The following FRAS1 variants were observed in gnomAD, a reference collection of about 807,000 sequenced individuals.
The protein encoded by FRAS1 is Fraser extracellular matrix complex subunit 1, also known as extracellular matrix organizing protein FRAS1.
A neutral mutation model predicts 435.2 loss-of-function variants in FRAS1; 290 were observed. The observed-to-expected ratio is 0.67, with a 90% CI of 0.61 to 0.73. The LOEUF is 0.73. Among genes scored for constraint, FRAS1 ranks in the 30% least tolerant of loss-of-function variants. The pLI, the probability that FRAS1 is intolerant of heterozygous loss-of-function variation, is 0.00. For missense variants in FRAS1, 4,860 were observed against 5,001.5 expected (o/e 0.97, Z 0.85); for synonymous variants, 1,800 against 1,851.0 (o/e 0.97, Z 0.71).
chr4:78,133,472 C>A (rs1719774729), intron 2 of FRAS1, among the ~76,000 whole-genome samples: 1 of 151,366 alleles, frequency 6.6e-6, no homozygotes, highest in Non-Finnish European at 1.5e-5. Flanking sequence ...AATAGAGTCA[C>A]TATGGTTTAT....
In FRAS1 at chr4:78,469,921, C is replaced by A; in HGVS notation, c.7258-57C>A. 5 of 1,278,366 alleles carry A rather than the reference C, an allele frequency of 3.9e-6. 1 individual carries two copies. Among genetic ancestry groups the A allele is most frequent in the East Asian group, 2.4e-5 (1 of 41,344 alleles). 79.2% of individuals were successfully genotyped at this position (1,278,366 alleles called of 1,614,324 possible). On this transcript the variant is annotated intron_variant, in intron 50 of 73. Transcript: ENST00000512123. Reference sequence around the variant, plus strand: ...GGTTACAGCTGTGTAGGCCCTGGACCTGACATACTTCAGGTACTTGTGAAT... The same window carrying A: ...GGTTACAGCTGTGTAGGCCCTGGACATGACATACTTCAGGTACTTGTGAAT...
chr4:78,300,057 C>T (rs1186474480), intron 14 of FRAS1, among the ~76,000 whole-genome samples: 1 of 152,148 alleles, frequency 6.6e-6, no homozygotes, highest in Non-Finnish European at 1.5e-5. Flanking sequence ...TTTAGATCAA[C>T]TCCAGAGTGA....
intron 14 of FRAS1, among the ~76,000 whole-genome samples, chr4:78,293,222 C>A (rs1157938462): frequency 6.6e-6 from 1 of 152,066 alleles, no homozygotes; most frequent in Non-Finnish European, 1.5e-5. Flanking sequence ...TATAAAGATA[C>A]CTTACAGGGG....
At chr4:78,103,545 G>T (rs1281272932) in intron 2 of FRAS1, among the ~76,000 whole-genome samples, 2 of 152,170 alleles carry the variant, frequency 1.3e-5, no homozygotes, top group Non-Finnish European at 2.9e-5. Flanking sequence ...TTGAATGCTT[G>T]TGTCCCTCCA....
chr4:78,310,850 G>A (rs1244653374), intron 15 of FRAS1, among the ~76,000 whole-genome samples: 1 of 152,152 alleles, frequency 6.6e-6, no homozygotes, highest in African/African-American at 2.4e-5. Flanking sequence ...CGGCTGGTGT[G>A]GGTTTAACAA....
At position 78,430,321 on chromosome 4, in the gene FRAS1, A is replaced by G; in HGVS notation, c.4873A>G (p.Thr1625Ala). 6.2e-7 allele frequency: 1 copy of G among 1,613,888 alleles called. No individual in the cohort carries two copies. ...GLQVVVRDAE[T>A]APKELFFELR... ...TCAGGTGGTAGTAAGAGATGCTGAG[A>G]CAGCGCCCAAAGAACTCTTCTTTGA... The change falls in exon 37 of 74, where the codon ACA becomes GCA. Residue 1625 changes from threonine (T) to alanine (A), a missense_variant. By Grantham distance (58) the Thr-to-Ala change is moderately conservative. Coordinates refer to ENST00000512123, the MANE Select transcript of FRAS1 (RefSeq NM_025074.7).
intron 32 of FRAS1, 26 bp from the exon 33 acceptor site, chr4:78,418,923 C>A: frequency 7.3e-7 from 1 of 1,375,722 alleles, no homozygotes; most frequent in Non-Finnish European, 1.0e-6. Flanking sequence ...ACCATGTGTT[C>A]CTCTTCCTTC....
At chr4:78,193,140 G>T (rs1287516516) in intron 2 of FRAS1, among the ~76,000 whole-genome samples, 2 of 152,212 alleles carry the variant, frequency 1.3e-5, no homozygotes, top group Admixed American at 1.3e-4. Flanking sequence ...CTGAGAGACA[G>T]TTTGTTATCA....
At chr4:78,073,600 T>C (rs1740473375) in intron 2 of FRAS1, among the ~76,000 whole-genome samples, 1 of 152,242 alleles carries the variant, frequency 6.6e-6, no homozygotes, top group Non-Finnish European at 1.5e-5. Flanking sequence ...GATACATTTA[T>C]ATATGCATGT....
intron 35 of FRAS1, 120 bp from the exon 36 acceptor site, chr4:78,428,975 G>C (rs1734103366): frequency 2.0e-6 from 2 of 1,001,386 alleles, no homozygotes; most frequent in African/African-American, 1.6e-5. Flanking sequence ...AAAGTTTCTA[G>C]CTACATATTT....
At chr4:78,395,601 T>A (rs1394765292) in intron 29 of FRAS1, among the ~76,000 whole-genome samples, 4 of 152,062 alleles carry the variant, frequency 2.6e-5, no homozygotes, top group Admixed American at 2.6e-4. Context: ...AACCTCTCAT[T>A]ATATAATATC....
Position 78,237,550 on chromosome 4 carries a change from G to A in FRAS1, c.149G>A (p.Arg50His), listed in dbSNP as rs200373425. Reference sequence around the variant, plus strand: ...AAGCCCGATTCATGCCAGAGCTGCCGTTGCCATGGTGATATTGTTATCTGC... The same window carrying A: ...AAGCCCGATTCATGCCAGAGCTGCCATTGCCATGGTGATATTGTTATCTGC... The part of the protein sequence containing the change: ...IWKPDSCQSC[R>H]CHGDIVICKP... The change falls in exon 3 of 74, where the codon CGT becomes CAT. Residue 50 changes from arginine (R) to histidine (H), a missense_variant. Coordinates refer to ENST00000512123, the MANE Select transcript of FRAS1 (RefSeq NM_025074.7). The A allele has an allele frequency of 1.6e-4, 252 of 1,613,196 alleles. No individual in the cohort carries two copies. The African/African-American group carries it at 2.3e-3, about 15-fold the overall frequency.
intron 2 of FRAS1, among the ~76,000 whole-genome samples, chr4:78,228,511 A>G (rs1490729204): frequency 6.6e-6 from 1 of 152,228 alleles, no homozygotes; most frequent in Non-Finnish European, 1.5e-5. Flanking sequence ...TGGAATGAAG[A>G]GGAGCACATT....
chr4:78,408,093 G>A (rs1258212684), intron 31 of FRAS1, among the ~76,000 whole-genome samples: 1 of 152,170 alleles, frequency 6.6e-6, no homozygotes. Flanking sequence ...CGAAAGACAT[G>A]TCTTACATGG....
Position 78,446,261 on chromosome 4 carries a change from G to A in FRAS1, c.5857-466G>A, listed in dbSNP as rs77292540. On this transcript the variant is annotated intron_variant, in intron 42 of 73. Transcript: ENST00000512123. ...TGTAAAGAACCCTCTGCACTCTTAA[G>A]GGTCAGTGGTGGAAAGGGGCTGGCA... 5.8e-3 allele frequency: 5,784 copies of A among 1,005,472 alleles called. 253 individuals carry two copies. In the African/African-American group the frequency reaches 0.091, roughly 16 times the overall value. 62.3% of individuals were successfully genotyped at this position (1,005,472 alleles called of 1,614,324 possible).
At chr4:78,461,993 T>C (rs982858720) in intron 47 of FRAS1, among the ~76,000 whole-genome samples, 1 of 152,230 alleles carries the variant, frequency 6.6e-6, no homozygotes, top group African/African-American at 2.4e-5. Flanking sequence ...TTATGAAGCG[T>C]AAGTTGGAAA....
At chr4:78,289,131 A>G (rs1266406908) in intron 14 of FRAS1, among the ~76,000 whole-genome samples, 2 of 152,214 alleles carry the variant, frequency 1.3e-5, no homozygotes, top group African/African-American at 4.8e-5. Context: ...AGTTGAAAAA[A>G]AGTAGCAGTT....
intron 9 of FRAS1, among the ~76,000 whole-genome samples, chr4:78,272,162 GT>G (rs550205690): frequency 0.026 from 4,002 of 152,126 alleles, 179 homozygotes; most frequent in African/African-American, 0.092. Context: ...TGATGGGGTT[GT>G]TTTTTTCTTG....
intron 29 of FRAS1, among the ~76,000 whole-genome samples, chr4:78,400,397 C>G (rs1006726276): frequency 2.0e-5 from 3 of 152,034 alleles, no homozygotes; most frequent in Non-Finnish European, 2.9e-5. Context: ...ATAATAGGTG[C>G]TTAATGAATA....
Sources: allele counts gnomAD v4.1 joint callset (sites outside exome capture counted in the v4.1 genomes callset), GRCh38; gene constraint gnomAD v4.1.1; transcripts MANE v1.5; gene names NCBI Gene and HGNC (gene_info 2026-07-23, HGNC 2026-07-21).